Variants in DGKG observed in about 807,000 individuals in gnomAD.
DGKG encodes diacylglycerol kinase gamma.
Under a neutral mutation model 105.3 loss-of-function variants are expected in DGKG, and 78 were observed. That is an observed-to-expected ratio of 0.74 (90% CI 0.62 to 0.89). DGKG has a LOEUF of 0.89. Among genes scored for constraint, DGKG ranks in the 40% least tolerant of loss-of-function variants. DGKG has a pLI of 0.00. For missense variants in DGKG, 958 were observed against 1,020.1 expected (o/e 0.94, Z 0.83); for synonymous variants, 346 against 367.1 (o/e 0.94, Z 0.66).
chr3:186,267,923 TGTGTGTGTGCAC>T, intron 12 of DGKG, 146 bp from the exon 13 acceptor site: 2 of 705,106 alleles, frequency 2.8e-6, no homozygotes, highest in Non-Finnish European at 5.0e-6. Context: ...TTGCCGTGTG[TGTGTGTGTGCAC>T]GTGTGTGTGT....
At chr3:186,158,810 A>G (rs567059441) in intron 24 of DGKG, 1,000 of 909,916 alleles carry the variant, frequency 1.1e-3, no homozygotes, top group Admixed American at 2.5e-3. Context: ...TTAAATATCT[A>G]ACATTTTATG....
rs191008871 is a variant in DGKG at position 186,260,967 on chromosome 3, C to T, written c.1350-454G>A. 6.6e-5 allele frequency among the ~76,000 whole-genome samples: 10 copies of T among 152,218 alleles called. No individual in the cohort carries two copies. In the East Asian group the frequency reaches 1.2e-3, roughly 18 times the overall value. On this transcript the variant is annotated intron_variant, in intron 15 of 24. Coordinates refer to ENST00000265022, the MANE Select transcript of DGKG (RefSeq NM_001346.3). ...CTGCAGTCCTGGGATCAGGAGGAAA[C>T]GCAGGAGGTGGTGTTGGGCTGTGGG... is the stretch of plus-strand genomic sequence containing the variant.
intron 1 of DGKG, among the ~76,000 whole-genome samples, chr3:186,359,840 C>A (rs1727143929): frequency 6.6e-6 from 1 of 152,176 alleles, no homozygotes; most frequent in Non-Finnish European, 1.5e-5. Context: ...TACTTTTCAA[C>A]TTCCCAATTT....
rs1012533262 is a variant in DGKG at position 186,273,619 on chromosome 3, C to T, written c.911-1276G>A. ...TGGTCTCCTGACCTCGTGATCCACC[C>T]GTCTTGGCCTCCCAAAGTGCTGGGA... is the stretch of plus-strand genomic sequence containing the variant. On this transcript the variant is annotated intron_variant, in intron 10 of 24. Transcript: ENST00000265022. Among the ~76,000 whole-genome samples, 3 of 152,014 alleles carry T rather than the reference C, an allele frequency of 2.0e-5. No homozygotes were observed. The East Asian group carries it at 5.8e-4, about 29-fold the overall frequency.
rs1171264425 is a variant in DGKG at position 186,207,305 on chromosome 3, C to T, written c.1917+4490G>A. ...GCCCAAACCTGGTTGAGAGTCTCTGCTCTAGACTGAGCTTCTCAAGTGCCA... is the reference window on the plus strand; with the variant it reads ...GCCCAAACCTGGTTGAGAGTCTCTGTTCTAGACTGAGCTTCTCAAGTGCCA... On this transcript the variant is annotated intron_variant, in intron 21 of 24. Transcript: ENST00000265022. The T allele has an allele frequency of 2.4e-5, 5 of 207,782 alleles. No individual in the cohort carries two copies. In the Admixed American group the frequency reaches 3.3e-4, roughly 14 times the overall value. The allele number at this position is 207,782 out of a possible 1,614,324, so 12.9% of individuals were successfully genotyped here.
intron 19 of DGKG, among the ~76,000 whole-genome samples, chr3:186,244,589 A>G (rs997945290): frequency 1.3e-5 from 2 of 151,936 alleles, no homozygotes; most frequent in Non-Finnish European, 2.9e-5. Context: ...TATTTTTAGT[A>G]GAGACAGTGT....
intron 22 of DGKG, among the ~76,000 whole-genome samples, chr3:186,169,977 AAG>A (rs1181425579): frequency 6.6e-6 from 1 of 152,170 alleles, no homozygotes; most frequent in African/African-American, 2.4e-5. Context: ...GAGACAGTGA[AAG>A]AGAGGGTTGG....
intron 3 of DGKG, among the ~76,000 whole-genome samples, chr3:186,301,768 G>C (rs1723932863): frequency 1.3e-5 from 2 of 152,334 alleles, no homozygotes; most frequent in Admixed American, 6.5e-5. Context: ...AATGTAAATA[G>C]AAGGCCTAAT....
chr3:186,258,007 G>T, intron 16 of DGKG, 68 bp from the exon 17 acceptor site: 1 of 1,149,006 alleles, frequency 8.7e-7, no homozygotes, highest in Non-Finnish European at 1.3e-6. Context: ...TACATGTTGA[G>T]TCAGAGTCTG....
intron 9 of DGKG, among the ~76,000 whole-genome samples, chr3:186,277,208 C>A (rs1041064936): frequency 6.6e-6 from 1 of 152,222 alleles, no homozygotes; most frequent in Non-Finnish European, 1.5e-5. Flanking sequence ...TAAATGACAT[C>A]ATGTAAGTAA....
intron 1 of DGKG, among the ~76,000 whole-genome samples, chr3:186,332,307 T>C (rs902654858): frequency 6.6e-6 from 1 of 152,200 alleles, no homozygotes; most frequent in Non-Finnish European, 1.5e-5. Context: ...AACCTTGCTC[T>C]TGCCCTGGGG....
intron 21 of DGKG, among the ~76,000 whole-genome samples, chr3:186,189,186 T>G (rs1194543315): frequency 6.6e-6 from 1 of 152,218 alleles, no homozygotes; most frequent in Non-Finnish European, 1.5e-5. Context: ...TTGGAAGGCT[T>G]TCAGAATCTG....
chr3:186,298,477 C>T (rs1723707652), intron 3 of DGKG, among the ~76,000 whole-genome samples: 1 of 152,006 alleles, frequency 6.6e-6, no homozygotes, highest in African/African-American at 2.4e-5. Context: ...TGGTGGGGCA[C>T]AGAACCAGGG....
chr3:186,150,758 A>G (rs574261725), intron 24 of DGKG, among the ~76,000 whole-genome samples: 17 of 152,256 alleles, frequency 1.1e-4, no homozygotes, highest in Non-Finnish European at 1.9e-4. Context: ...GAAGACCCCA[A>G]ATTCTTTTTA....
At chr3:186,294,674 G>C (rs2108609804) in intron 5 of DGKG, among the ~76,000 whole-genome samples, 1 of 152,120 alleles carries the variant, frequency 6.6e-6, no homozygotes, top group East Asian at 1.9e-4. Context: ...AATGATCTAT[G>C]CCTGAATATG....
rs772430558 is a variant in DGKG at position 186,251,724 on chromosome 3, C to T, written c.1761+35G>A. 5.0e-6 allele frequency: 8 copies of T among 1,613,320 alleles called. No individual in the cohort carries two copies. In the African/African-American group the frequency reaches 5.3e-5, roughly 11 times the overall value. ...GCTGGAACCCTTCCTGGGCGTTTCC[C>T]TTCCATACAGAAAGGTGATCTTTGA... On this transcript the variant is annotated intron_variant, in intron 19 of 24. Coordinates refer to ENST00000265022, the MANE Select transcript of DGKG (RefSeq NM_001346.3).
In DGKG at chr3:186,267,715, T is replaced by G. The variant is rs1722122682; in HGVS notation, c.1179A>C (p.Leu393Phe). 6.2e-7 allele frequency: 1 copy of G among 1,613,944 alleles called. No homozygotes were observed. Among genetic ancestry groups the G allele is most frequent in the African/African-American group, 1.3e-5 (1 of 74,894 alleles). ...CDGGELRDHI[L>F]LPTSICPITR... Reference sequence around the variant, plus strand: ...TGATGGGGCATATGGAGGTGGGCAGTAAGATGTGGTCTCTGAGTTCCCCAC... The same window carrying G: ...TGATGGGGCATATGGAGGTGGGCAGGAAGATGTGGTCTCTGAGTTCCCCAC... Residue 393 changes from leucine to phenylalanine, a missense_variant, in exon 13 of 25, where the codon TTA (leucine) becomes TTC (phenylalanine). By Grantham distance (22) the Leu-to-Phe change is conservative. Transcript: ENST00000265022.
chr3:186,196,694 G>A (rs1718198904), intron 21 of DGKG, among the ~76,000 whole-genome samples: 1 of 152,190 alleles, frequency 6.6e-6, no homozygotes, highest in Non-Finnish European at 1.5e-5. Flanking sequence ...CTGAAGCACA[G>A]AATCTTAGAA....
intron 1 of DGKG, among the ~76,000 whole-genome samples, chr3:186,335,179 C>G (rs138257716): frequency 6.9e-4 from 105 of 152,284 alleles, no homozygotes; most frequent in Middle Eastern, 3.4e-3. Flanking sequence ...TCAAGCGATT[C>G]TCCTGCCTCA....
Sources: allele counts gnomAD v4.1 joint callset (sites outside exome capture counted in the v4.1 genomes callset), GRCh38; gene constraint gnomAD v4.1.1; transcripts MANE v1.5; gene names NCBI Gene and HGNC (gene_info 2026-07-23, HGNC 2026-07-21).